The following ATP6V1G1 variants were observed in gnomAD, a reference collection of about 807,000 sequenced individuals.
ATP6V1G1 encodes ATPase H+ transporting V1 subunit G1.
ATP6V1G1 carries 14 observed loss-of-function variants against 14.2 expected under a neutral mutation model. The observed-to-expected ratio is 0.99, with a 90% confidence interval of 0.65 to 1.55. The LOEUF is 1.55. Among genes scored for constraint, ATP6V1G1 ranks in the 40% most tolerant of loss-of-function variants. The pLI is 0.00. For synonymous variants in ATP6V1G1, 65 were observed against 53.3 expected, an observed-to-expected ratio of 1.22 and a Z score of -0.96; for missense variants, 137 against 146.4, an observed-to-expected ratio of 0.94 and a Z score of 0.33.
Position 114,597,594 on chromosome 9 carries a change from A to T in ATP6V1G1, c.208A>T (p.Ser70Cys). ...AAALGSRGSC[S>C]TEVEKETQEK... Reference sequence around the variant, plus strand: ...GGCATTGGGATCCCGTGGCAGTTGCAGCACTGAAGTGGAGAAGGAGACCCA... The same window carrying T: ...GGCATTGGGATCCCGTGGCAGTTGCTGCACTGAAGTGGAGAAGGAGACCCA... The change falls in exon 3 of 3, where the codon AGC becomes TGC. Residue 70 changes from serine (S) to cysteine (C), a missense_variant. Coordinates refer to ENST00000374050, the MANE Select transcript of ATP6V1G1 (RefSeq NM_004888.4). The T allele has an allele frequency of 6.6e-7, 1 of 1,525,428 alleles. No individual in the cohort carries two copies. The highest frequency in any genetic ancestry group is 8.8e-7 in the Non-Finnish European group (1 of 1,137,908). The allele number at this position is 1,525,428 out of a possible 1,614,324, so 94.5% of individuals were successfully genotyped here. A position where few individuals can be genotyped will look rare whatever the true frequency, so the allele number is the denominator to read the frequency against.
In ATP6V1G1 at chr9:114,598,704, T is replaced by TA. The variant is rs1845268826; in HGVS notation, c.*962dup. Among the ~76,000 whole-genome samples, 1 of 152,202 alleles carries TA rather than the reference T, an allele frequency of 6.6e-6. No homozygotes were observed. The stretch of plus-strand genomic sequence containing the variant: ...TCCTGGTGGGCTAGATGATGTGCAT[T>TA]ATACCTGTAGTACCTTCATACTAGC... On this transcript the variant is annotated 3_prime_UTR_variant, in exon 3 of 3. Transcript: ENST00000374050.
At chr9:114,589,935 C>T (rs773120444) in intron 1 of ATP6V1G1, among the ~76,000 whole-genome samples, 8 of 152,078 alleles carry the variant, frequency 5.3e-5, no homozygotes, top group African/African-American at 9.7e-5. Flanking sequence ...TGGTGGCTCA[C>T]GCCTGTAATC....
intron 1 of ATP6V1G1, among the ~76,000 whole-genome samples, chr9:114,589,289 TTATG>T (rs1182917937): frequency 1.3e-5 from 2 of 152,210 alleles, no homozygotes; most frequent in Non-Finnish European, 2.9e-5. Flanking sequence ...TCATTTAACT[TTATG>T]TATCCAGTTT....
chr9:114,595,860 T>C (rs1284162244), intron 2 of ATP6V1G1, among the ~76,000 whole-genome samples: 2 of 152,172 alleles, frequency 1.3e-5, no homozygotes, highest in African/African-American at 4.8e-5. Flanking sequence ...TGCAAATTAA[T>C]ATATTATGCA....
rs1845139104 is a variant in ATP6V1G1 at position 114,587,888 on chromosome 9, G to A, written c.50G>A (p.Arg17Gln). The A allele has an allele frequency of 8.2e-6, 13 of 1,590,432 alleles. No individual in the cohort carries two copies. Among genetic ancestry groups the A allele is most frequent in the Non-Finnish European group, 1.1e-5 (13 of 1,169,142 alleles). ...GIQQLLQAEK[R>Q]AAEKVSEARK... ...CAGCAGCTGCTGCAGGCCGAGAAGC[G>A]GGCAGCCGAGAAGGTGTCCGAGGCC... Residue 17 changes from arginine (R) to glutamine (Q), a missense_variant, in exon 1 of 3, where the codon CGG becomes CAG. Coordinates refer to ENST00000374050, the MANE Select transcript of ATP6V1G1 (RefSeq NM_004888.4).
chr9:114,597,798 A>G lies in ATP6V1G1; in HGVS notation c.*55A>G, dbSNP rs1845256130. 6.9e-7 allele frequency: 1 copy of G among 1,446,304 alleles called. No individual in the cohort carries two copies. Among genetic ancestry groups the G allele is most frequent in the Non-Finnish European group, 9.1e-7 (1 of 1,093,364 alleles). 89.6% of individuals were successfully genotyped at this position (1,446,304 alleles called of 1,614,324 possible). On this transcript the variant is annotated 3_prime_UTR_variant, in exon 3 of 3. Coordinates refer to ENST00000374050, the MANE Select transcript of ATP6V1G1 (RefSeq NM_004888.4). ...CATTTTAGATGCCCTCACGAATATGAAGCTTAGCACAGCTCTAGTTACATT... is the reference window on the plus strand; with the variant it reads ...CATTTTAGATGCCCTCACGAATATGGAGCTTAGCACAGCTCTAGTTACATT...
chr9:114,597,180 C>T (rs540435444), intron 2 of ATP6V1G1, among the ~76,000 whole-genome samples: 74 of 151,662 alleles, frequency 4.9e-4, no homozygotes, highest in African/African-American at 1.6e-3. Context: ...TTAGTAGAGA[C>T]GGGGTTTCAC....
intron 1 of ATP6V1G1, among the ~76,000 whole-genome samples, chr9:114,589,026 G>T (rs1372946762): frequency 6.6e-6 from 1 of 152,112 alleles, no homozygotes; most frequent in African/African-American, 2.4e-5. Context: ...GCAGGTTTTT[G>T]CACACGCTGT....
In ATP6V1G1 at chr9:114,597,617, C is replaced by T. The variant is rs781771465; in HGVS notation, c.231C>T (p.Thr77=). ...GSCSTEVEKE[T]QEKMTILQTY... is the part of the protein sequence containing the mutation. The stretch of plus-strand genomic sequence containing the variant: ...GCAGCACTGAAGTGGAGAAGGAGAC[C>T]CAGGAGAAGATGACCATCCTCCAGA... Residue 77 remains threonine, a synonymous_variant, in exon 3 of 3, where the codon ACC becomes ACT. Transcript: ENST00000374050. The T allele has an allele frequency of 5.7e-6, 9 of 1,578,400 alleles. No homozygotes were observed. Among genetic ancestry groups the T allele is most frequent in the Non-Finnish European group, 7.7e-6 (9 of 1,164,318 alleles).
chr9:114,596,254 G>A (rs918496467), intron 2 of ATP6V1G1, among the ~76,000 whole-genome samples: 7 of 152,138 alleles, frequency 4.6e-5, no homozygotes, highest in South Asian at 4.2e-4. Context: ...CGGGCGTGGT[G>A]GCTGGCGCCT....
rs1845195701 is a variant in ATP6V1G1 at position 114,592,748 on chromosome 9, G to A, written c.183+96G>A. On this transcript the variant is annotated intron_variant, in intron 2 of 2. Coordinates refer to ENST00000374050, the MANE Select transcript of ATP6V1G1 (RefSeq NM_004888.4). Reference sequence around the variant, plus strand: ...CCAGCATAGCTCAGAGATCCTGGTCGAAGTTTGAAAATGTGGTAGCTGTGT... The same window carrying A: ...CCAGCATAGCTCAGAGATCCTGGTCAAAGTTTGAAAATGTGGTAGCTGTGT... 3.0e-6 allele frequency: 4 copies of A among 1,314,678 alleles called. No individual in the cohort carries two copies. In the South Asian group the frequency reaches 4.2e-5, roughly 14 times the overall value. The allele number at this position is 1,314,678 out of a possible 1,614,324, so 81.4% of individuals were successfully genotyped here. A position where few individuals can be genotyped will look rare whatever the true frequency, so the allele number is the denominator to read the frequency against.
chr9:114,597,586 G>A lies in ATP6V1G1; in HGVS notation c.200G>A (p.Gly67Asp). The A allele has an allele frequency of 6.6e-7, 1 of 1,508,508 alleles. No individual in the cohort carries two copies. The allele number at this position is 1,508,508 out of a possible 1,614,324, so 93.4% of individuals were successfully genotyped here. ...AKEAAALGSRGSCSTEVEKET... is the reference protein window; with the variant it reads ...AKEAAALGSRDSCSTEVEKET... ...CATCTCCAGGCATTGGGATCCCGTG[G>A]CAGTTGCAGCACTGAAGTGGAGAAG... Residue 67 changes from glycine to aspartate, a missense_variant, in exon 3 of 3, where the codon GGC becomes GAC. Gly to Asp is a moderately conservative substitution (Grantham distance 94). Coordinates refer to ENST00000374050, the MANE Select transcript of ATP6V1G1 (RefSeq NM_004888.4).
At chr9:114,592,881 G>T (rs1845196590) in intron 2 of ATP6V1G1, among the ~76,000 whole-genome samples, 2 of 152,204 alleles carry the variant, frequency 1.3e-5, no homozygotes, top group South Asian at 4.1e-4. Flanking sequence ...CTGTTAAGCA[G>T]TTAACATGCG....
intron 2 of ATP6V1G1, among the ~76,000 whole-genome samples, chr9:114,595,291 G>A (rs1845226941): frequency 6.6e-6 from 1 of 152,168 alleles, no homozygotes; most frequent in Non-Finnish European, 1.5e-5. Flanking sequence ...ATAAAAGAAT[G>A]AGTTAGCAAC....
intron 2 of ATP6V1G1, among the ~76,000 whole-genome samples, chr9:114,594,218 C>T (rs993859829): frequency 2.0e-5 from 3 of 151,942 alleles, no homozygotes; most frequent in South Asian, 2.1e-4. Flanking sequence ...TGCAGGCATG[C>T]GCCACCACAT....
chr9:114,592,476 A>G (rs1845192293), intron 1 of ATP6V1G1, 76 bp from the exon 2 acceptor site: 6 of 1,359,044 alleles, frequency 4.4e-6, no homozygotes, highest in African/African-American at 1.5e-5. Context: ...GCTTATTGTT[A>G]TAATATACCA....
At position 114,598,428 on chromosome 9, in the gene ATP6V1G1, T is replaced by G. The variant is rs1845265607; in HGVS notation, c.*685T>G. The G allele has an allele frequency of 6.6e-6, 1 of 152,650 alleles. No homozygotes were observed. Among genetic ancestry groups the G allele is most frequent in the Non-Finnish European group, 1.5e-5 (1 of 68,040 alleles). The allele number at this position is 152,650 out of a possible 1,614,324, so 9.5% of individuals were successfully genotyped here. A position where few individuals can be genotyped will look rare whatever the true frequency, so the allele number is the denominator to read the frequency against. ...CTCCGTGACAACCAGTGGTTCTTCA[T>G]TTTTGATCATGCGAAATGCATTTTG... On this transcript the variant is annotated 3_prime_UTR_variant, in exon 3 of 3. Coordinates refer to ENST00000374050, the MANE Select transcript of ATP6V1G1 (RefSeq NM_004888.4).
intron 2 of ATP6V1G1, among the ~76,000 whole-genome samples, chr9:114,595,250 T>C (rs1324435377): frequency 6.6e-6 from 1 of 152,214 alleles, no homozygotes. Flanking sequence ...GTATGGTTTA[T>C]ATTCAAGAAA....
intron 2 of ATP6V1G1, among the ~76,000 whole-genome samples, chr9:114,596,082 A>G (rs1466628733): frequency 6.6e-6 from 1 of 152,086 alleles, no homozygotes; most frequent in Non-Finnish European, 1.5e-5. Flanking sequence ...TGTGTGTGAA[A>G]TTGCTAAGAG....
Sources: gnomAD v4.1 joint callset for allele counts (sites outside exome capture counted in the v4.1 genomes callset) on GRCh38, gnomAD v4.1.1 for gene constraint, MANE v1.5 for transcripts, NCBI Gene and HGNC (gene_info 2026-07-23, HGNC 2026-07-21) for gene names.